The following ROBO2 variants were observed in gnomAD, a reference collection of about 807,000 sequenced individuals.
The protein encoded by ROBO2 is roundabout homolog 2.
In ROBO2, 53 loss-of-function variants were observed where a neutral mutation model predicts 160.8. That is an observed-to-expected ratio of 0.33 (90% confidence interval 0.26 to 0.41). The LOEUF (loss-of-function observed/expected upper bound fraction) is 0.41. Among genes scored for constraint, ROBO2 ranks in the 10% least tolerant of loss-of-function variants. The pLI, the probability that ROBO2 is intolerant of heterozygous loss-of-function variation, is 1.00. For synonymous variants in ROBO2, 664 were observed against 611.7 expected (o/e 1.09, Z -1.26); for missense variants, 1,577 against 1,722.4 (o/e 0.92, Z 1.49).
intron 2 of ROBO2, among the ~76,000 whole-genome samples, chr3:76,769,501 T>C (rs966314735): frequency 2.6e-5 from 4 of 151,390 alleles, no homozygotes; most frequent in South Asian, 4.1e-4. Flanking sequence ...ATTATGTAGA[T>C]TGTTTATTTG....
chr3:77,542,180 A>G (rs1310605370), intron 6 of ROBO2, among the ~76,000 whole-genome samples: 1 of 152,186 alleles, frequency 6.6e-6, no homozygotes, highest in Admixed American at 6.5e-5. Context: ...TAAAACCTCA[A>G]AAATAAATTC....
chr3:76,862,580 T>C (rs2070906373), intron 2 of ROBO2, among the ~76,000 whole-genome samples: 1 of 152,104 alleles, frequency 6.6e-6, no homozygotes, highest in South Asian at 2.1e-4. Context: ...CTACCAAGGC[T>C]GTGTGTTCAG....
chr3:77,646,035 CT>C lies in ROBO2; in HGVS notation c.4136-13del, dbSNP rs764644822. On this transcript the variant is annotated intron_variant, in intron 25 of 25. Coordinates refer to ENST00000461745, the Ensembl canonical transcript of ROBO2. ...ATGCTTAATTTATATTTTATTTCTA[CT>C]TTTTTCTCTTTCTTTAGAGTAAATG... 1.9e-6 allele frequency: 3 copies of C among 1,572,694 alleles called. No individual in the cohort carries two copies. Among genetic ancestry groups the C allele is most frequent in the African/African-American group, 1.4e-5 (1 of 74,018 alleles).
chr3:77,317,505 G>C, intron 2 of ROBO2: 1 of 1,465,152 alleles, frequency 6.8e-7, no homozygotes, highest in Non-Finnish European at 9.4e-7. Context: ...TCCATCCTCA[G>C]ATTTCGTTTT....
At chr3:76,935,154 T>C (rs1209441403) in intron 2 of ROBO2, among the ~76,000 whole-genome samples, 4 of 152,072 alleles carry the variant, frequency 2.6e-5, no homozygotes, top group Non-Finnish European at 5.9e-5. Context: ...TGTTTCTCCA[T>C]GTTGCCCAGG....
rs1224405595 is a variant in ROBO2 at position 77,054,884 on chromosome 3, G to C, written c.61+14038G>C. The stretch of plus-strand genomic sequence containing the variant: ...GGCATCCTGCCGTAATGTCACTGCA[G>C]CCAGTGACAGAGAGGCGCCTGCAGT... On this transcript the variant is annotated intron_variant, in intron 1 of 25. Coordinates refer to ENST00000461745, the Ensembl canonical transcript of ROBO2. Among the ~76,000 whole-genome samples the C allele has an allele frequency of 2.6e-5, 4 of 151,932 alleles. No individual in the cohort carries two copies. The East Asian group carries it at 7.8e-4, about 30-fold the overall frequency.
At chr3:77,628,448 G>T (rs532033470) in intron 23 of ROBO2, among the ~76,000 whole-genome samples, 437 of 24,154 alleles carry the variant, frequency 0.018, 4 homozygotes, top group Admixed American at 0.028. Context: ...CTCTTTTTGT[G>T]GGGGGGGGGT....
intron 2 of ROBO2, among the ~76,000 whole-genome samples, chr3:76,504,936 T>C (rs2080714865): frequency 6.6e-6 from 1 of 152,162 alleles, no homozygotes; most frequent in Non-Finnish European, 1.5e-5. Flanking sequence ...TGTTTCAAAT[T>C]TCATCATTGG....
intron 2 of ROBO2, among the ~76,000 whole-genome samples, chr3:76,643,416 AAT>A (rs1410536370): frequency 6.6e-6 from 1 of 152,206 alleles, no homozygotes; most frequent in Non-Finnish European, 1.5e-5. Flanking sequence ...ACTAGAAAGA[AAT>A]ATCGTTTTTG....
intron 5 of ROBO2, among the ~76,000 whole-genome samples, chr3:77,503,728 C>A (rs1385687161): frequency 6.6e-6 from 1 of 151,492 alleles, no homozygotes; most frequent in Admixed American, 6.6e-5. Flanking sequence ...ATATTTTCTA[C>A]CCAATAAATA....
At chr3:76,209,177 A>G (rs1702989429) in intron 2 of ROBO2, among the ~76,000 whole-genome samples, 1 of 152,170 alleles carries the variant, frequency 6.6e-6, no homozygotes, top group Non-Finnish European at 1.5e-5. Flanking sequence ...ATGGAAGGGC[A>G]ATTGATGCCC....
chr3:77,592,928 A>G (rs1646130357), intron 17 of ROBO2, among the ~76,000 whole-genome samples: 2 of 152,180 alleles, frequency 1.3e-5, no homozygotes, highest in African/African-American at 2.4e-5. Context: ...AGAATTTGCC[A>G]CTGGTTCATG....
At chr3:76,156,743 G>A (rs901905699) in intron 2 of ROBO2, among the ~76,000 whole-genome samples, 4 of 152,168 alleles carry the variant, frequency 2.6e-5, no homozygotes, top group African/African-American at 4.8e-5. Context: ...CAAGGTGGGC[G>A]GATCACCTGA....
chr3:76,212,687 C>T (rs1223938529), intron 2 of ROBO2, among the ~76,000 whole-genome samples: 1 of 152,078 alleles, frequency 6.6e-6, no homozygotes, highest in Non-Finnish European at 1.5e-5. Context: ...AATTCTGATT[C>T]ATCATTAAGG....
chr3:76,733,117 TG>T (rs988121362), intron 2 of ROBO2, among the ~76,000 whole-genome samples: 21 of 152,208 alleles, frequency 1.4e-4, no homozygotes, highest in African/African-American at 4.6e-4. Flanking sequence ...TTCACTGGCT[TG>T]GGGGTGATCA....
intron 2 of ROBO2, among the ~76,000 whole-genome samples, chr3:76,845,112 T>A (rs2148496071): frequency 6.6e-6 from 1 of 152,082 alleles, no homozygotes; most frequent in East Asian, 1.9e-4. Flanking sequence ...TAACCTTGGC[T>A]AAAACAAAAG....
intron 2 of ROBO2, among the ~76,000 whole-genome samples, chr3:77,421,004 C>T (rs2077663295): frequency 6.6e-6 from 1 of 152,078 alleles, no homozygotes. Flanking sequence ...TCTCTGTATT[C>T]CCTGAAAATT....
At chr3:76,064,573 C>G (rs1355365485) in intron 2 of ROBO2, among the ~76,000 whole-genome samples, 1 of 152,146 alleles carries the variant, frequency 6.6e-6, no homozygotes, top group African/African-American at 2.4e-5. Context: ...ATGATTAGCT[C>G]TCTAACAATC....
intron 2 of ROBO2, among the ~76,000 whole-genome samples, chr3:76,401,103 C>T (rs963322424): frequency 6.6e-6 from 1 of 151,496 alleles, no homozygotes. Flanking sequence ...TGCCTGTTTT[C>T]TTCTCCTCTG....
Sources: allele counts gnomAD v4.1 joint callset (sites outside exome capture counted in the v4.1 genomes callset), GRCh38; gene constraint gnomAD v4.1.1; transcripts MANE v1.5; gene names NCBI Gene and HGNC (gene_info 2026-07-23, HGNC 2026-07-21).